Variants in BCL2L13 observed in about 807,000 individuals in gnomAD.
BCL2L13 encodes bcl-2-like protein 13.
Under a neutral mutation model 25.8 loss-of-function variants are expected in BCL2L13, and 13 were observed. That is an observed-to-expected ratio of 0.50 (90% CI 0.33 to 0.80). The LOEUF is 0.80. BCL2L13 is among the 30% of genes least tolerant of loss of function. The probability of loss-of-function intolerance (pLI) is 0.02; values close to 1 mark genes in which losing one functional copy is unlikely to be tolerated. For missense variants in BCL2L13, 504 were observed against 574.9 expected (o/e 0.88, Z 1.26); for synonymous variants, 244 against 230.3 (o/e 1.06, Z -0.54).
intron 6 of BCL2L13, among the ~76,000 whole-genome samples, chr22:17,723,951 A>C (rs1030502828): frequency 9.2e-5 from 14 of 151,954 alleles, no homozygotes; most frequent in African/African-American, 2.2e-4. Context: ...ACAAAAAAAA[A>C]CAAAAAACAA....
intron 1 of BCL2L13, among the ~76,000 whole-genome samples, chr22:17,629,250 C>T (rs1200324703): frequency 6.6e-6 from 1 of 152,046 alleles, no homozygotes; most frequent in Admixed American, 6.6e-5. Context: ...TTCATGTCAA[C>T]CTTGATTACC....
chr22:17,644,404 C>G (rs968354909), intron 1 of BCL2L13, among the ~76,000 whole-genome samples: 1 of 149,190 alleles, frequency 6.7e-6, no homozygotes, highest in Admixed American at 6.7e-5. Flanking sequence ...TATCTCGGCT[C>G]ACTGCAATCT....
At chr22:17,629,296 T>C (rs987427048) in intron 1 of BCL2L13, among the ~76,000 whole-genome samples, 2 of 152,210 alleles carry the variant, frequency 1.3e-5, no homozygotes, top group African/African-American at 4.8e-5. Flanking sequence ...TTCTCCACTC[T>C]GAAGTTACCT....
Position 17,672,124 on chromosome 22 carries a change from G to T in BCL2L13, c.122-11090G>T, listed in dbSNP as rs76114325. Among the ~76,000 whole-genome samples the T allele has an allele frequency of 1.1e-3, 173 of 152,256 alleles. 1 individual carries two copies. Among genetic ancestry groups the T allele is most frequent in the African/African-American group, 4.0e-3 (167 of 41,556 alleles). On this transcript the variant is annotated intron_variant, in intron 2 of 6. Coordinates refer to ENST00000317582, the MANE Select transcript of BCL2L13 (RefSeq NM_015367.4). ...GTCTATATGTTCAATGGACCTTTTT[G>T]ATTTGATTGTAATTATTTGGACTGC... is the stretch of plus-strand genomic sequence containing the variant.
In BCL2L13 at chr22:17,693,377, T is replaced by A. The variant is rs1227800084; in HGVS notation, c.387-2764T>A. Among the ~76,000 whole-genome samples the A allele has an allele frequency of 1.8e-3, 151 of 82,590 alleles. 1 individual carries two copies. Among genetic ancestry groups the A allele is most frequent in the Non-Finnish European group, 3.0e-3 (111 of 36,454 alleles). 54.2% of individuals were successfully genotyped at this position (82,590 alleles called of 152,430 possible). On this transcript the variant is annotated intron_variant, in intron 4 of 6. Transcript: ENST00000317582. The stretch of plus-strand genomic sequence containing the variant: ...TATTTATTTATTTAGTGTTTGTTTT[T>A]TTTTTTTTTTTTTTTTTTTGGAGAC...
chr22:17,708,367 C>T (rs201043695), intron 6 of BCL2L13, among the ~76,000 whole-genome samples: 1 of 152,178 alleles, frequency 6.6e-6, no homozygotes, highest in East Asian at 1.9e-4. Context: ...ACCCTGGAGG[C>T]AAACTGCCTG....
chr22:17,671,318 C>T (rs147040398), intron 2 of BCL2L13, among the ~76,000 whole-genome samples: 2,293 of 150,176 alleles, frequency 0.015, 55 homozygotes, highest in African/African-American at 0.051. Flanking sequence ...GGCGTGTACC[C>T]GGGAGACAGA....
At chr22:17,721,560 T>C (rs1229508189) in intron 6 of BCL2L13, among the ~76,000 whole-genome samples, 1 of 150,516 alleles carries the variant, frequency 6.6e-6, no homozygotes, top group East Asian at 1.9e-4. Context: ...TAAGTCTTAA[T>C]GCCACCCAGG....
intron 5 of BCL2L13, among the ~76,000 whole-genome samples, chr22:17,696,471 A>G (rs767560795): frequency 2.0e-5 from 3 of 152,146 alleles, no homozygotes; most frequent in Non-Finnish European, 4.4e-5. Context: ...TCTCTGTGTT[A>G]GACATAACAT....
In BCL2L13 at chr22:17,659,713, A is replaced by G. The variant is rs1478146266; in HGVS notation, c.121+3881A>G. 1.4e-5 allele frequency among the ~76,000 whole-genome samples: 2 copies of G among 145,994 alleles called. 1 individual carries two copies. On this transcript the variant is annotated intron_variant, in intron 2 of 6. Transcript: ENST00000317582. ...CAAGAAACAAACCTGAAATGATGAC[A>G]AGCAACAACAAAGTGGATTTCCAGT...
chr22:17,721,762 G>GAGTTTGATCCTGAGTT (rs1199396983), intron 6 of BCL2L13, among the ~76,000 whole-genome samples: 1 of 152,100 alleles, frequency 6.6e-6, no homozygotes, highest in Non-Finnish European at 1.5e-5. Context: ...CTGACCTCAG[G>GAGTTTGATCCTGAGTT]TGATCCACCC....
rs762567615 is a variant in BCL2L13 at position 17,667,256 on chromosome 22, A to G, written c.121+11424A>G. Among the ~76,000 whole-genome samples, 50 of 151,572 alleles carry G rather than the reference A, an allele frequency of 3.3e-4. 1 individual carries two copies. Among genetic ancestry groups the G allele is most frequent in the Non-Finnish European group, 6.0e-4 (41 of 67,814 alleles). On this transcript the variant is annotated intron_variant, in intron 2 of 6. Coordinates refer to ENST00000317582, the MANE Select transcript of BCL2L13 (RefSeq NM_015367.4). ...GCACAGTCTTGGCTCACTGCAACCTACGCCTCCTGGGTTCAAGCGATTCTC... is the reference window on the plus strand; with the variant it reads ...GCACAGTCTTGGCTCACTGCAACCTGCGCCTCCTGGGTTCAAGCGATTCTC...
chr22:17,672,239 C>G (rs1056759400), intron 2 of BCL2L13, among the ~76,000 whole-genome samples: 1 of 152,186 alleles, frequency 6.6e-6, no homozygotes, highest in African/African-American at 2.4e-5. Flanking sequence ...CCAGATACTG[C>G]ATGCTAGGAC....
intron 4 of BCL2L13, among the ~76,000 whole-genome samples, chr22:17,693,674 C>CCAGCCCATTCTTTCTTAACA: frequency 6.6e-6 from 1 of 152,142 alleles, no homozygotes; most frequent in East Asian, 1.9e-4. Flanking sequence ...GCCACAGCAC[C>CCAGCCCATTCTTTCTTAACA]TGGCTGGGGT....
intron 1 of BCL2L13, 115 bp from the exon 2 acceptor site, chr22:17,655,547 C>T (rs1277241044): frequency 6.8e-6 from 5 of 732,868 alleles, no homozygotes; most frequent in East Asian, 3.5e-5. Context: ...CCTGCCTGAG[C>T]GACAAGAGCA....
At chr22:17,721,029 T>C (rs1244043184) in intron 6 of BCL2L13, among the ~76,000 whole-genome samples, 1 of 151,708 alleles carries the variant, frequency 6.6e-6, no homozygotes, top group Non-Finnish European at 1.5e-5. Flanking sequence ...TAGCCAGGCA[T>C]GGTGGCGGGC....
chr22:17,686,509 TTTTTTTTC>T lies in BCL2L13; in HGVS notation c.230-2469_230-2462del, dbSNP rs919475080. Among the ~76,000 whole-genome samples, 110 of 101,822 alleles carry T rather than the reference TTTTTTTTC, an allele frequency of 1.1e-3. No individual in the cohort carries two copies. The South Asian group carries it at 0.034, about 32-fold the overall frequency. The allele number at this position is 101,822 out of a possible 152,430, so 66.8% of individuals were successfully genotyped here. On this transcript the variant is annotated intron_variant, in intron 3 of 6. Transcript: ENST00000317582. ...TGTTAGTCTTGTCTTTTATATTTCT[TTTTTTTTC>T]TTTTTTTTTTTGAGACAGAGTCTCG...
rs142499468 is a variant in BCL2L13 at position 17,706,266 on chromosome 22, T to C, written c.600+3880T>C. 9.9e-3 allele frequency among the ~76,000 whole-genome samples: 1,499 copies of C among 151,826 alleles called. 33 individuals are homozygous for C. Among genetic ancestry groups the C allele is most frequent in the African/African-American group, 0.034 (1,392 of 41,374 alleles). On this transcript the variant is annotated intron_variant, in intron 6 of 6. Transcript: ENST00000317582. ...CTCAAGCAATCCTCCCCGCTTGGCCTCCCAAAGTGCTGGGATTACAGGCAT... is the reference window on the plus strand; with the variant it reads ...CTCAAGCAATCCTCCCCGCTTGGCCCCCCAAAGTGCTGGGATTACAGGCAT...
intron 2 of BCL2L13, among the ~76,000 whole-genome samples, chr22:17,656,135 G>A (rs549036524): frequency 1.3e-5 from 2 of 150,880 alleles, no homozygotes; most frequent in South Asian, 4.2e-4. Flanking sequence ...AGCTACTCAG[G>A]AGGCTGAGGC....
Sources: allele counts gnomAD v4.1 joint callset (sites outside exome capture counted in the v4.1 genomes callset), GRCh38; gene constraint gnomAD v4.1.1; transcripts MANE v1.5; gene names NCBI Gene and HGNC (gene_info 2026-07-23, HGNC 2026-07-21).